The following TENM3 variants were observed in gnomAD, a reference collection of about 807,000 sequenced individuals.
TENM3 encodes teneurin-3.
In TENM3, 63 loss-of-function variants were observed where a neutral mutation model predicts 255.1. The ratio of observed to expected loss-of-function variants is 0.25; its 90% CI spans 0.20 to 0.30. TENM3 has a LOEUF of 0.30. Ranked by LOEUF, TENM3 falls within the 10% of genes least tolerant of loss-of-function variation. The pLI, the probability that TENM3 is intolerant of heterozygous loss-of-function variation, is 1.00. For synonymous variants in TENM3, 1,306 were observed against 1,322.3 expected (o/e 0.99, Z 0.27); for missense variants, 2,929 against 3,461.1 (o/e 0.85, Z 3.86).
chr4:181,743,591 T>G, the TENM3 span, among the ~76,000 whole-genome samples: 1 of 151,644 alleles, frequency 6.6e-6, no homozygotes, highest in African/African-American at 2.4e-5. Context: ...AAGACACTGG[T>G]GAGGCGAATG....
the TENM3 span, among the ~76,000 whole-genome samples, chr4:181,515,281 C>T: frequency 6.6e-6 from 1 of 152,186 alleles, no homozygotes; most frequent in South Asian, 2.1e-4. Flanking sequence ...TTGCTCTCAT[C>T]ATTGCAAGTG....
At chr4:182,365,269 GTA>G (rs1561369876) in intron 3 of TENM3, among the ~76,000 whole-genome samples, 1 of 152,192 alleles carries the variant, frequency 6.6e-6, no homozygotes, top group Admixed American at 6.5e-5. Context: ...GTCACTCAGG[GTA>G]TAAGGAAAAC....
At chr4:182,061,769 G>A in the TENM3 span, among the ~76,000 whole-genome samples, 12 of 152,002 alleles carry the variant, frequency 7.9e-5, no homozygotes, top group Non-Finnish European at 1.6e-4. Flanking sequence ...GGCCAGCCTG[G>A]GCATCACAGG....
chr4:182,271,758 T>G (rs981203606), intron 1 of TENM3, among the ~76,000 whole-genome samples: 1 of 152,346 alleles, frequency 6.6e-6, no homozygotes, highest in Non-Finnish European at 1.5e-5. Context: ...TTATTATCCC[T>G]GTATTATAGA....
chr4:182,491,136 T>C (rs1214791226), intron 3 of TENM3, among the ~76,000 whole-genome samples: 1 of 152,204 alleles, frequency 6.6e-6, no homozygotes, highest in East Asian at 1.9e-4. Context: ...GAGGTTTTTC[T>C]CTGAATACAG....
rs1439575198 is a variant in TENM3, at chr4:182,679,692, C to T, written c.1353C>T (p.Gly451=). The T allele has an allele frequency of 6.2e-7, 1 of 1,612,954 alleles. No individual in the cohort carries two copies. The highest frequency in any genetic ancestry group is 1.7e-5 in the Admixed American group (1 of 60,018). The stretch of plus-strand genomic sequence containing the variant: ...ATGACTTCGTGGAGCTCCTGGATGG[C>T]AGCAGGCTGATTGCCAGAGAGCAGC... ...TQYDFVELLD[G]SRLIAREQRS... Residue 451 remains glycine, a synonymous_variant, in exon 8 of 28, where the codon GGC becomes GGT. Coordinates refer to ENST00000511685, the MANE Select transcript of TENM3 (RefSeq NM_001080477.4).
chr4:182,201,319 T>A (rs1028315327), intron 1 of TENM3, among the ~76,000 whole-genome samples: 1 of 152,174 alleles, frequency 6.6e-6, no homozygotes, highest in African/African-American at 2.4e-5. Context: ...CTCCAATTTC[T>A]AAGGAGAAAC....
chr4:182,661,192 A>ATTTT lies in TENM3; in HGVS notation c.1111+7322_1111+7325dup, dbSNP rs35208231. Among the ~76,000 whole-genome samples the ATTTT allele has an allele frequency of 6.4e-3, 571 of 88,600 alleles. 19 individuals are homozygous for ATTTT. The highest frequency in any genetic ancestry group is 0.025 in the African/African-American group (540 of 21,586). The allele number at this position is 88,600 out of a possible 152,430, so 58.1% of individuals were successfully genotyped here. A position where few individuals can be genotyped will look rare whatever the true frequency, so the allele number is the denominator to read the frequency against. On this transcript the variant is annotated intron_variant, in intron 6 of 27. Coordinates refer to ENST00000511685, the MANE Select transcript of TENM3 (RefSeq NM_001080477.4). Reference sequence around the variant, plus strand: ...CAATTCCAATTGCTTTTAAATTTTAATTTTTTTTTTTTTTTTTTTTTTTTT... The same window carrying ATTTT: ...CAATTCCAATTGCTTTTAAATTTTAATTTTTTTTTTTTTTTTTTTTTTTTTTTTT...
At chr4:181,858,449 G>A in the TENM3 span, among the ~76,000 whole-genome samples, 1 of 152,194 alleles carries the variant, frequency 6.6e-6, no homozygotes, top group Non-Finnish European at 1.5e-5. Flanking sequence ...TTGTGTGTTA[G>A]AGTAGCCATC....
chr4:182,450,370 GTAC>G (rs1039415823), intron 3 of TENM3, among the ~76,000 whole-genome samples: 1 of 152,052 alleles, frequency 6.6e-6, no homozygotes, highest in Admixed American at 6.5e-5. Context: ...AGTGCAGCAT[GTAC>G]TGGTCTGTGC....
the TENM3 span, among the ~76,000 whole-genome samples, chr4:181,783,761 A>C: frequency 8.5e-5 from 13 of 152,188 alleles, no homozygotes; most frequent in Non-Finnish European, 1.5e-4. Context: ...TGGCACAGTC[A>C]TAGCTCACTG....
intron 9 of TENM3, 66 bp from the exon 10 acceptor site, chr4:182,680,477 G>T: frequency 6.4e-7 from 1 of 1,572,906 alleles, no homozygotes; most frequent in Non-Finnish European, 8.7e-7. Context: ...CCAGCGATGT[G>T]TCTTTTCTTT....
chr4:182,326,750 T>A (rs1031566757), intron 2 of TENM3, among the ~76,000 whole-genome samples: 1 of 151,980 alleles, frequency 6.6e-6, no homozygotes, highest in Non-Finnish European at 1.5e-5. Flanking sequence ...CGCTTGTTCC[T>A]CAGACTGGTC....
At chr4:182,420,314 C>T (rs190148769) in intron 3 of TENM3, among the ~76,000 whole-genome samples, 1 of 152,242 alleles carries the variant, frequency 6.6e-6, no homozygotes, top group Non-Finnish European at 1.5e-5. Context: ...TACTGGACAG[C>T]GGTTGATGCA....
At position 182,579,716 on chromosome 4, in the gene TENM3, C is replaced by T. The variant is rs560965980; in HGVS notation, c.512-21208C>T. On this transcript the variant is annotated intron_variant, in intron 3 of 27. Coordinates refer to ENST00000511685, the MANE Select transcript of TENM3 (RefSeq NM_001080477.4). ...AAATTTGAAAACTTCTCTTTTTTTC[C>T]GCCAATATGGATTAATTTTCAGGGA... Among the ~76,000 whole-genome samples, 25 of 151,626 alleles carry T rather than the reference C, an allele frequency of 1.6e-4. No homozygotes were observed. The East Asian group carries it at 1.9e-3, about 12-fold the overall frequency.
the TENM3 span, among the ~76,000 whole-genome samples, chr4:182,080,494 A>T: frequency 0.48 from 72,780 of 152,012 alleles, 17,836 homozygotes; most frequent in African/African-American, 0.59. Flanking sequence ...AAACTAGTAA[A>T]AATTTTTATT....
intron 3 of TENM3, among the ~76,000 whole-genome samples, chr4:182,466,554 A>G (rs909084587): frequency 7.6e-5 from 7 of 91,978 alleles, no homozygotes; most frequent in African/African-American, 2.4e-4. Flanking sequence ...GCTGGTCTTG[A>G]CTCCTGGGCT....
intron 6 of TENM3, among the ~76,000 whole-genome samples, chr4:182,656,580 G>A (rs945431684): frequency 5.9e-5 from 9 of 152,108 alleles, no homozygotes; most frequent in Non-Finnish European, 1.2e-4. Flanking sequence ...CCAAGAAGCA[G>A]ATCACATCAT....
At chr4:181,551,544 C>T in the TENM3 span, among the ~76,000 whole-genome samples, 1 of 152,058 alleles carries the variant, frequency 6.6e-6, no homozygotes, top group African/African-American at 2.4e-5. Flanking sequence ...TGGCACTTTT[C>T]CTGGGGGAAA....
Sources: allele counts gnomAD v4.1 joint callset (sites outside exome capture counted in the v4.1 genomes callset), GRCh38; gene constraint gnomAD v4.1.1; transcripts MANE v1.5; gene names NCBI Gene and HGNC (gene_info 2026-07-23, HGNC 2026-07-21).